PTPRD: variants seen among roughly 807,000 people sequenced by gnomAD.
PTPRD encodes receptor-type tyrosine-protein phosphatase delta.
Under a neutral mutation model 214.5 loss-of-function variants are expected in PTPRD, and 34 were observed. The ratio of observed to expected loss-of-function variants is 0.16; its 90% CI spans 0.12 to 0.21. The LOEUF is 0.21. Ranked by LOEUF, PTPRD falls within the 10% of genes least tolerant of loss-of-function variation. The probability of loss-of-function intolerance (pLI) is 1.00; values close to 1 mark genes in which losing one functional copy is unlikely to be tolerated. For synonymous variants in PTPRD, 1,128 were observed against 845.7 expected, an observed-to-expected ratio of 1.33 and a Z score of -5.79; for missense variants, 2,545 against 2,398.7, an observed-to-expected ratio of 1.06 and a Z score of -1.27.
chr9:8,667,216 G>C (rs2097187576), intron 12 of PTPRD, among the ~76,000 whole-genome samples: 2 of 152,090 alleles, frequency 1.3e-5, no homozygotes, highest in Non-Finnish European at 1.5e-5. Flanking sequence ...GTGGGCGCCT[G>C]TAATCCCAGC....
At position 8,486,103 on chromosome 9, in the gene PTPRD, T is replaced by G; in HGVS notation, c.2714A>C (p.Glu905Ala). The change falls in exon 28 of 46, where the codon GAG (glutamate) becomes GCG (alanine). Residue 905 changes from glutamate to alanine, a missense_variant. Coordinates refer to ENST00000381196, the MANE Select transcript of PTPRD (RefSeq NM_002839.4). ...AATGGAAATCTCCTTCACCATCTCC[T>G]CCCCAAAGCCCACTTTGTTTCTGGC... Reference protein sequence around the residue: ...LSARNKVGFGEEMVKEISIPE... With the variant: ...LSARNKVGFGAEMVKEISIPE... 1.2e-6 allele frequency: 2 copies of G among 1,614,148 alleles called. No individual in the cohort carries two copies. Among genetic ancestry groups the G allele is most frequent in the Non-Finnish European group, 1.7e-6 (2 of 1,180,000 alleles).
chr9:9,952,003 C>T (rs1383670613), intron 4 of PTPRD, among the ~76,000 whole-genome samples: 1 of 152,032 alleles, frequency 6.6e-6, no homozygotes, highest in African/African-American at 2.4e-5. Context: ...ACAATTATGG[C>T]CTACAGGAAA....
In PTPRD at chr9:9,549,210, A is replaced by G. The variant is rs2079582877; in HGVS notation, c.-237+25522T>C. 1.3e-5 allele frequency among the ~76,000 whole-genome samples: 2 copies of G among 152,118 alleles called. 1 individual carries two copies. Among genetic ancestry groups the G allele is most frequent in the South Asian group, 4.1e-4 (2 of 4,834 alleles). ...ACCTTATCAAAAGACATTGTAAAAA[A>G]TAAGCAGCCACAGGTTAGGAGAAAA... On this transcript the variant is annotated intron_variant, in intron 8 of 45. Transcript: ENST00000381196.
intron 2 of PTPRD, among the ~76,000 whole-genome samples, chr9:10,471,672 A>G (rs2099031949): frequency 6.6e-6 from 1 of 152,152 alleles, no homozygotes; most frequent in Non-Finnish European, 1.5e-5. Context: ...ACTGAAATTA[A>G]TATTTCTTTG....
chr9:9,224,164 C>T (rs1324695868), intron 9 of PTPRD, among the ~76,000 whole-genome samples: 1 of 151,932 alleles, frequency 6.6e-6, no homozygotes, highest in Admixed American at 6.6e-5. Context: ...CAGGCAGCTA[C>T]AGTCAGTGAC....
chr9:8,645,433 G>A (rs1252603299), intron 12 of PTPRD, among the ~76,000 whole-genome samples: 2 of 152,210 alleles, frequency 1.3e-5, no homozygotes, highest in Non-Finnish European at 2.9e-5. Flanking sequence ...TCTTGACACT[G>A]ATTAACTCTC....
intron 32 of PTPRD, among the ~76,000 whole-genome samples, chr9:8,463,257 T>C (rs1234665135): frequency 3.1e-5 from 4 of 128,544 alleles, no homozygotes; most frequent in Admixed American, 2.8e-4. Flanking sequence ...TTCTAACGCA[T>C]TACAAGAAGA....
At chr9:9,299,739 T>TATA (rs1392551563) in intron 9 of PTPRD, among the ~76,000 whole-genome samples, 1 of 151,392 alleles carries the variant, frequency 6.6e-6, no homozygotes, top group Non-Finnish European at 1.5e-5. Flanking sequence ...ATTTTATGTT[T>TATA]ATAAATGGAT....
chr9:10,339,482 T>C (rs10756028), intron 3 of PTPRD, among the ~76,000 whole-genome samples: 48,318 of 151,490 alleles, frequency 0.32, 9,551 homozygotes, highest in African/African-American at 0.55. Flanking sequence ...GAAAGACTTC[T>C]TATCTTGGAA....
chr9:9,187,363 C>T (rs1012227725), intron 9 of PTPRD, among the ~76,000 whole-genome samples: 5 of 151,972 alleles, frequency 3.3e-5, no homozygotes, highest in African/African-American at 1.2e-4. Flanking sequence ...TAAGGATAGT[C>T]CTTTGCATTA....
At chr9:10,448,751 A>T (rs903606302) in intron 2 of PTPRD, among the ~76,000 whole-genome samples, 1 of 151,972 alleles carries the variant, frequency 6.6e-6, no homozygotes, top group African/African-American at 2.4e-5. Flanking sequence ...AAGAGTCTTT[A>T]TCTGTTCTCC....
chr9:10,177,705 T>A (rs2099257735), intron 3 of PTPRD, among the ~76,000 whole-genome samples: 1 of 151,886 alleles, frequency 6.6e-6, no homozygotes, highest in South Asian at 2.1e-4. Context: ...AATAATTAAT[T>A]GTTAACTCTT....
chr9:9,123,147 T>C (rs2099819205), intron 10 of PTPRD, among the ~76,000 whole-genome samples: 7 of 152,314 alleles, frequency 4.6e-5, no homozygotes, highest in Admixed American at 3.9e-4. Context: ...TGCCATTTGA[T>C]GAACACTGAA....
chr9:10,028,530 A>G (rs1409108385), intron 4 of PTPRD, among the ~76,000 whole-genome samples: 2 of 152,180 alleles, frequency 1.3e-5, no homozygotes, highest in African/African-American at 4.8e-5. Context: ...TGATAATGAT[A>G]TGGATAATGA....
chr9:9,209,763 A>T (rs1384060281), intron 9 of PTPRD, among the ~76,000 whole-genome samples: 1 of 152,220 alleles, frequency 6.6e-6, no homozygotes, highest in Non-Finnish European at 1.5e-5. Context: ...TCAATAGAAA[A>T]TATTTAAAAA....
rs2099672022 is a variant in PTPRD, at chr9:9,046,309, T to C, written c.-142-27574A>G. Among the ~76,000 whole-genome samples the C allele has an allele frequency of 2.0e-5, 3 of 152,292 alleles. No homozygotes were observed. In the South Asian group the frequency reaches 6.2e-4, roughly 32 times the overall value. On this transcript the variant is annotated intron_variant, in intron 10 of 45. Coordinates refer to ENST00000381196, the MANE Select transcript of PTPRD (RefSeq NM_002839.4). ...CAGTCTCTTGCCATCTTAGAAGATATCCAGCAACATGTGATTTAAACAATA... is the reference window on the plus strand; with the variant it reads ...CAGTCTCTTGCCATCTTAGAAGATACCCAGCAACATGTGATTTAAACAATA...
At chr9:10,507,843 A>T (rs1021515290) in intron 2 of PTPRD, among the ~76,000 whole-genome samples, 1 of 152,112 alleles carries the variant, frequency 6.6e-6, no homozygotes, top group African/African-American at 2.4e-5. Flanking sequence ...AACCATAAAA[A>T]CCCTAGAAGA....
chr9:10,375,520 T>A lies in PTPRD; in HGVS notation c.-599-34503A>T, dbSNP rs116582947. 4.0e-3 allele frequency among the ~76,000 whole-genome samples: 603 copies of A among 152,138 alleles called. 2 individuals are homozygous for A. Among genetic ancestry groups the A allele is most frequent in the African/African-American group, 0.014 (581 of 41,548 alleles). The stretch of plus-strand genomic sequence containing the variant: ...TTTTTAAATATTCTTTAATCAGACA[T>A]GCGATGAATCCCAAAGCAAAACCAT... On this transcript the variant is annotated intron_variant, in intron 2 of 45. Coordinates refer to ENST00000381196, the MANE Select transcript of PTPRD (RefSeq NM_002839.4).
chr9:9,538,790 G>A (rs968836796), intron 8 of PTPRD, among the ~76,000 whole-genome samples: 50 of 151,732 alleles, frequency 3.3e-4, no homozygotes, highest in African/African-American at 1.2e-3. Flanking sequence ...AAAGGCTTTG[G>A]TTCAAAAAAG....
Sources: allele counts gnomAD v4.1 joint callset (sites outside exome capture counted in the v4.1 genomes callset), GRCh38; gene constraint gnomAD v4.1.1; transcripts MANE v1.5; gene names NCBI Gene and HGNC (gene_info 2026-07-23, HGNC 2026-07-21).